IGF1R: variants seen among roughly 807,000 people sequenced by gnomAD.
IGF1R encodes insulin like growth factor 1 receptor.
Under a neutral mutation model 144.6 loss-of-function variants are expected in IGF1R, and 44 were observed. The observed-to-expected ratio is 0.30, with a 90% CI of 0.24 to 0.39. IGF1R has a LOEUF of 0.39. Among genes scored for constraint, IGF1R ranks in the 10% least tolerant of loss-of-function variants. The pLI is 1.00. For synonymous variants in IGF1R, 795 were observed against 722.8 expected (o/e 1.10, Z -1.60); for missense variants, 1,355 against 1,833.7 (o/e 0.74, Z 4.77).
At chr15:98,762,380 G>T (rs866226334) in intron 2 of IGF1R, among the ~76,000 whole-genome samples, 1 of 151,846 alleles carries the variant, frequency 6.6e-6, no homozygotes, top group African/African-American at 2.4e-5. Flanking sequence ...TGTGAACCTC[G>T]TGATTCTATT....
At chr15:98,672,651 C>A (rs1335050281) in intron 1 of IGF1R, among the ~76,000 whole-genome samples, 1 of 151,522 alleles carries the variant, frequency 6.6e-6, no homozygotes, top group African/African-American at 2.4e-5. Flanking sequence ...TGTATTTCTT[C>A]CGGTCTCATT....
intron 2 of IGF1R, among the ~76,000 whole-genome samples, chr15:98,789,282 A>G (rs894621325): frequency 6.6e-6 from 1 of 152,220 alleles, no homozygotes; most frequent in African/African-American, 2.4e-5. Flanking sequence ...GGCTTCTACA[A>G]TTGTGCTGAT....
At chr15:98,706,208 G>C (rs2053857711) in intron 1 of IGF1R, among the ~76,000 whole-genome samples, 1 of 152,232 alleles carries the variant, frequency 6.6e-6, no homozygotes, top group African/African-American at 2.4e-5. Context: ...CTCCTCAGAG[G>C]GCAGGGCACT....
rs1055955517 is a variant in IGF1R, at chr15:98,960,790, C to A, written c.*3348C>A. The A allele has an allele frequency of 4.3e-6, 1 of 233,938 alleles. No homozygotes were observed. 14.5% of individuals were successfully genotyped at this position (233,938 alleles called of 1,614,324 possible). On this transcript the variant is annotated 3_prime_UTR_variant, in exon 21 of 21. Transcript: ENST00000650285. ...ACACGCAGGAGCAGAGTCCCCTCCC[C>A]CTCCAGGCTGCCCTCTCAACTTCTC...
chr15:98,894,917 A>T (rs1401636653), intron 3 of IGF1R, among the ~76,000 whole-genome samples: 2 of 151,722 alleles, frequency 1.3e-5, no homozygotes, highest in African/African-American at 4.8e-5. Flanking sequence ...GCTACTCAGG[A>T]GGCTGAGGCA....
chr15:98,861,129 T>C (rs1193732023), intron 2 of IGF1R, among the ~76,000 whole-genome samples: 1 of 152,032 alleles, frequency 6.6e-6, no homozygotes, highest in Non-Finnish European at 1.5e-5. Flanking sequence ...TAAATGAATG[T>C]AACTCATTTA....
At chr15:98,654,085 G>A (rs1162326764) in intron 1 of IGF1R, among the ~76,000 whole-genome samples, 1 of 152,172 alleles carries the variant, frequency 6.6e-6, no homozygotes, top group Non-Finnish European at 1.5e-5. Context: ...TTTTCAAGTA[G>A]ACAGTAGTTA....
At chr15:98,665,154 T>C (rs577350408) in intron 1 of IGF1R, among the ~76,000 whole-genome samples, 1 of 152,236 alleles carries the variant, frequency 6.6e-6, no homozygotes, top group African/African-American at 2.4e-5. Context: ...GGTTTCACCG[T>C]GTTAGCCAGG....
At chr15:98,669,085 T>C (rs957702937) in intron 1 of IGF1R, among the ~76,000 whole-genome samples, 1 of 152,258 alleles carries the variant, frequency 6.6e-6, no homozygotes, top group East Asian at 1.9e-4. Context: ...GTCACTCCTA[T>C]GACTGTAAAA....
At chr15:98,737,539 A>G (rs144314373) in intron 2 of IGF1R, among the ~76,000 whole-genome samples, 87 of 152,322 alleles carry the variant, frequency 5.7e-4, no homozygotes, top group Middle Eastern at 3.4e-3. Flanking sequence ...GCCCTGTCAA[A>G]TAAATTCTGA....
intron 13 of IGF1R, among the ~76,000 whole-genome samples, chr15:98,927,596 G>A (rs944816912): frequency 6.6e-6 from 1 of 152,160 alleles, no homozygotes; most frequent in African/African-American, 2.4e-5. Flanking sequence ...AGTGATATAA[G>A]GGCCTTGGGG....
At chr15:98,743,093 T>C (rs78042975) in intron 2 of IGF1R, among the ~76,000 whole-genome samples, 1,777 of 152,330 alleles carry the variant, frequency 0.012, 33 homozygotes, top group South Asian at 0.063. Flanking sequence ...GTTATTTTTT[T>C]CTTTTACTTC....
intron 2 of IGF1R, among the ~76,000 whole-genome samples, chr15:98,869,960 A>G (rs978034539): frequency 6.6e-6 from 1 of 152,276 alleles, no homozygotes; most frequent in South Asian, 2.1e-4. Context: ...GGAGCTTACA[A>G]TGTGTGCATT....
intron 2 of IGF1R, among the ~76,000 whole-genome samples, chr15:98,882,795 A>G (rs1251877529): frequency 6.6e-6 from 1 of 152,174 alleles, no homozygotes; most frequent in Non-Finnish European, 1.5e-5. Context: ...TGGAGTCTCA[A>G]CCCCTTTCAA....
In IGF1R at chr15:98,963,416, A is replaced by T. The variant is rs756951347; in HGVS notation, c.*5974A>T. 2 of 233,144 alleles carry T rather than the reference A, an allele frequency of 8.6e-6. No individual in the cohort carries two copies. Among genetic ancestry groups the T allele is most frequent in the African/African-American group, 2.2e-5 (1 of 45,314 alleles). The allele number at this position is 233,144 out of a possible 1,614,324, so 14.4% of individuals were successfully genotyped here. On this transcript the variant is annotated 3_prime_UTR_variant, in exon 21 of 21. Transcript: ENST00000650285. ...GGTCTTCCAGAACCCTCTGGTTGGG[A>T]AGGGGATCATTTTTTACTGGTCATT...
In IGF1R at chr15:98,939,234, A is replaced by G; in HGVS notation, c.3331A>G (p.Lys1111Glu). The G allele has an allele frequency of 6.2e-7, 1 of 1,614,184 alleles. No individual in the cohort carries two copies. Among genetic ancestry groups the G allele is most frequent in the South Asian group, 1.1e-5 (1 of 91,072 alleles). ...NPVLAPPSLS[K>E]MIQMAGEIAD... ...AGTCCTAGCACCTCCAAGCCTGAGC[A>G]AGATGATTCAGATGGCCGGAGAGAT... is the stretch of plus-strand genomic sequence containing the variant. The change falls in exon 18 of 21, where the codon AAG becomes GAG. Residue 1111 changes from lysine (K) to glutamate (E), a missense_variant. Coordinates refer to ENST00000650285, the MANE Select transcript of IGF1R (RefSeq NM_000875.5).
At chr15:98,659,029 C>T (rs1196410988) in intron 1 of IGF1R, among the ~76,000 whole-genome samples, 5 of 152,192 alleles carry the variant, frequency 3.3e-5, no homozygotes, top group African/African-American at 9.7e-5. Flanking sequence ...AGCCCTTGGA[C>T]TTCAACTGCT....
At chr15:98,794,816 A>G (rs2056201630) in intron 2 of IGF1R, among the ~76,000 whole-genome samples, 1 of 152,222 alleles carries the variant, frequency 6.6e-6, no homozygotes, top group South Asian at 2.1e-4. Context: ...CTCCAACTGG[A>G]AAATGTGCCT....
intron 3 of IGF1R, among the ~76,000 whole-genome samples, chr15:98,893,132 C>T (rs1052269458): frequency 6.6e-6 from 1 of 152,286 alleles, no homozygotes; most frequent in Admixed American, 6.5e-5. Context: ...ATAAAAATAT[C>T]GTTAGAAAAG....
Sources: allele counts gnomAD v4.1 joint callset (sites outside exome capture counted in the v4.1 genomes callset), GRCh38; gene constraint gnomAD v4.1.1; transcripts MANE v1.5; gene names NCBI Gene and HGNC (gene_info 2026-07-23, HGNC 2026-07-21).